The following ABTB3 variants were observed in gnomAD, a reference collection of about 807,000 sequenced individuals.
ABTB3 encodes the protein ankyrin repeat- and BTB/POZ domain-containing protein 3.
At chr12:107,610,174 C>G in the ABTB3 span, 1 of 1,614,162 alleles carries the variant, frequency 6.2e-7, no homozygotes. Context: ...CGCATGATGT[C>G]TCTTCCCTTC....
the ABTB3 span, among the ~76,000 whole-genome samples, chr12:107,606,059 T>C: frequency 6.6e-6 from 1 of 152,112 alleles, no homozygotes; most frequent in African/African-American, 2.4e-5. Flanking sequence ...TGAGCTCAAG[T>C]AGGCAGCTAT....
At chr12:107,484,386 G>T in the ABTB3 span, among the ~76,000 whole-genome samples, 1 of 152,184 alleles carries the variant, frequency 6.6e-6, no homozygotes, top group Non-Finnish European at 1.5e-5. Flanking sequence ...AGGTGTAACT[G>T]CCCCAGGGCA....
At chr12:107,499,832 C>A in the ABTB3 span, among the ~76,000 whole-genome samples, 44 of 152,120 alleles carry the variant, frequency 2.9e-4, no homozygotes, top group South Asian at 4.2e-3. Flanking sequence ...ACTACGGGCA[C>A]GCACCACCAT....
At chr12:107,324,840 G>C in the ABTB3 span, among the ~76,000 whole-genome samples, 1 of 152,144 alleles carries the variant, frequency 6.6e-6, no homozygotes, top group East Asian at 1.9e-4. Flanking sequence ...AAAAGGAAAG[G>C]GAGAAAGACC....
At chr12:107,574,300 A>G in the ABTB3 span, among the ~76,000 whole-genome samples, 3 of 152,204 alleles carry the variant, frequency 2.0e-5, no homozygotes, top group South Asian at 2.1e-4. Context: ...TTCCTCCCCA[A>G]CTTAAACACA....
chr12:107,536,235 C>T, the ABTB3 span, among the ~76,000 whole-genome samples: 4 of 152,074 alleles, frequency 2.6e-5, no homozygotes, highest in Admixed American at 2.6e-4. Flanking sequence ...ATACAAAAAT[C>T]AACTCAAAAT....
At chr12:107,353,392 G>A in the ABTB3 span, among the ~76,000 whole-genome samples, 1 of 152,252 alleles carries the variant, frequency 6.6e-6, no homozygotes, top group African/African-American at 2.4e-5. Flanking sequence ...AGCTGTGTAG[G>A]GAGACAGAGC....
the ABTB3 span, among the ~76,000 whole-genome samples, chr12:107,325,053 A>G: frequency 6.6e-6 from 1 of 152,278 alleles, no homozygotes; most frequent in Non-Finnish European, 1.5e-5. Context: ...CACCTGCCAC[A>G]TAGTAGGCAC....
At chr12:107,599,847 T>C in the ABTB3 span, among the ~76,000 whole-genome samples, 1 of 152,068 alleles carries the variant, frequency 6.6e-6, no homozygotes, top group Non-Finnish European at 1.5e-5. Context: ...GAATGAGTGA[T>C]GGTATTTCCC....
At chr12:107,650,473 T>C in the ABTB3 span, 45,786 of 152,106 alleles carry the variant, frequency 0.3, 7,224 homozygotes, top group East Asian at 0.53. Flanking sequence ...ACTCCTCTGA[T>C]GGTTTTAGTC....
At chr12:107,498,625 T>C in the ABTB3 span, among the ~76,000 whole-genome samples, 1 of 152,130 alleles carries the variant, frequency 6.6e-6, no homozygotes, top group African/African-American at 2.4e-5. Context: ...CAACGGTCAA[T>C]TAGGTCTTGT....
At chr12:107,376,623 T>A in the ABTB3 span, among the ~76,000 whole-genome samples, 2 of 152,130 alleles carry the variant, frequency 1.3e-5, no homozygotes, top group African/African-American at 4.8e-5. Flanking sequence ...TCTGTGACCC[T>A]TAAAAGACCT....
the ABTB3 span, among the ~76,000 whole-genome samples, chr12:107,508,099 GAT>G: frequency 6.9e-6 from 1 of 144,038 alleles, no homozygotes; most frequent in Non-Finnish European, 1.5e-5. Context: ...TGGATGGATG[GAT>G]GGATGGATGG....
the ABTB3 span, among the ~76,000 whole-genome samples, chr12:107,435,991 C>T: frequency 6.6e-6 from 1 of 152,164 alleles, no homozygotes; most frequent in African/African-American, 2.4e-5. Flanking sequence ...AGTAGCCATG[C>T]CTGACTAGTG....
chr12:107,501,994 A>G, the ABTB3 span, among the ~76,000 whole-genome samples: 547 of 152,234 alleles, frequency 3.6e-3, 5 homozygotes, highest in African/African-American at 0.012. Context: ...GATCATTGAA[A>G]AAATGCCACT....
At chr12:107,648,420 A>ACACAC in the ABTB3 span, among the ~76,000 whole-genome samples, 1 of 151,744 alleles carries the variant, frequency 6.6e-6, no homozygotes, top group East Asian at 1.9e-4. Flanking sequence ...ACACAAAGAC[A>ACACAC]ATAGGAAGTA....
chr12:107,479,616 G>T, the ABTB3 span, among the ~76,000 whole-genome samples: 4 of 152,018 alleles, frequency 2.6e-5, no homozygotes, highest in African/African-American at 9.7e-5. Context: ...TTTGTTCCCT[G>T]TCCCTTAATT....
chr12:107,568,736 G>T, the ABTB3 span, among the ~76,000 whole-genome samples: 2 of 152,068 alleles, frequency 1.3e-5, no homozygotes, highest in East Asian at 3.9e-4. Flanking sequence ...TAATATTTTT[G>T]TTATTTCTTT....
the ABTB3 span, chr12:107,615,297 T>C: frequency 1.5e-6 from 1 of 654,900 alleles, no homozygotes; most frequent in Non-Finnish European, 2.6e-6. Context: ...AGTATATTCA[T>C]ATCATGTGAA....
Sources: allele counts gnomAD v4.1 joint callset (sites outside exome capture counted in the v4.1 genomes callset), GRCh38; gene constraint gnomAD v4.1.1; transcripts MANE v1.5; gene names NCBI Gene and HGNC (gene_info 2026-07-23, HGNC 2026-07-21).